KLRD1: variants seen among roughly 807,000 people sequenced by gnomAD.
KLRD1 encodes killer cell lectin like receptor D1, also known as natural killer cells antigen CD94.
Under a neutral mutation model 22.6 loss-of-function variants are expected in KLRD1, and 21 were observed. That is an observed-to-expected ratio of 0.93 (90% confidence interval 0.66 to 1.34). The LOEUF (loss-of-function observed/expected upper bound fraction) is 1.34. Ranked by LOEUF, KLRD1 falls within the 40% of genes most tolerant of loss-of-function variation. The pLI is 0.00. For missense variants in KLRD1, 183 were observed against 208.6 expected (o/e 0.88, Z 0.76); for synonymous variants, 59 against 71.1 (o/e 0.83, Z 0.85).
intron 1 of KLRD1, among the ~76,000 whole-genome samples, chr12:10,297,578 G>A (rs571857283): frequency 7.3e-5 from 11 of 151,578 alleles, no homozygotes; most frequent in African/African-American, 1.9e-4. Flanking sequence ...CCCCGAGCCC[G>A]GTTTCAGCAA....
At chr12:10,293,085 G>A (rs374436038) in intron 1 of KLRD1, among the ~76,000 whole-genome samples, 1 of 132,940 alleles carries the variant, frequency 7.5e-6, no homozygotes, top group South Asian at 2.6e-4. Context: ...AAGAGTTAGC[G>A]CCTTAGGCTT....
At chr12:10,241,853 G>A (rs1949244253) in intron 1 of KLRD1, among the ~76,000 whole-genome samples, 1 of 152,014 alleles carries the variant, frequency 6.6e-6, no homozygotes, top group African/African-American at 2.4e-5. Context: ...AAAGTACTTT[G>A]CAAACATGAT....
Position 10,318,059 on chromosome 12 carries a change from T to G in KLRD1, c.*3266T>G, listed in dbSNP as rs1174835456. The G allele has an allele frequency of 6.6e-6, 1 of 152,110 alleles. No homozygotes were observed. Among genetic ancestry groups the G allele is most frequent in the African/African-American group, 2.4e-5 (1 of 41,390 alleles). 9.4% of individuals were successfully genotyped at this position (152,110 alleles called of 1,614,324 possible). A position where few individuals can be genotyped will look rare whatever the true frequency, so the allele number is the denominator to read the frequency against. On this transcript the variant is annotated 3_prime_UTR_variant, in exon 6 of 6. Coordinates refer to ENST00000336164, the MANE Select transcript of KLRD1 (RefSeq NM_002262.5). The stretch of plus-strand genomic sequence containing the variant: ...ACGTGAGGATTAGGGGCACTACAAT[T>G]CAAGATGAGATTTGGGTGGGGACAC...
chr12:10,308,011 A>T lies in KLRD1; in HGVS notation c.-67A>T, dbSNP rs1385325414. Reference sequence around the variant, plus strand: ...ATCTCCAGCTCAGCTTCAACAATTCAACGCTGTTCTTTCTGAAAAAGTACA... The same window carrying T: ...ATCTCCAGCTCAGCTTCAACAATTCTACGCTGTTCTTTCTGAAAAAGTACA... On this transcript the variant is annotated 5_prime_UTR_variant, in exon 1 of 6. Coordinates refer to ENST00000336164, the MANE Select transcript of KLRD1 (RefSeq NM_002262.5). 1 of 1,445,168 alleles carries T rather than the reference A, an allele frequency of 6.9e-7. No homozygotes were observed. Among genetic ancestry groups the T allele is most frequent in the Admixed American group, 1.7e-5 (1 of 58,396 alleles). 89.5% of individuals were successfully genotyped at this position (1,445,168 alleles called of 1,614,324 possible). A position where few individuals can be genotyped will look rare whatever the true frequency, so the allele number is the denominator to read the frequency against.
chr12:10,280,294 T>C (rs530581106), intron 1 of KLRD1, among the ~76,000 whole-genome samples: 2 of 152,184 alleles, frequency 1.3e-5, no homozygotes, highest in Non-Finnish European at 2.9e-5. Context: ...CTCTTTTCCT[T>C]TCTGAAGAAA....
chr12:10,253,108 T>C (rs1215036380), intron 1 of KLRD1, among the ~76,000 whole-genome samples: 2 of 152,214 alleles, frequency 1.3e-5, no homozygotes, highest in African/African-American at 4.8e-5. Flanking sequence ...TAGATTTTCT[T>C]ATGTTTCTTT....
At chr12:10,293,353 G>A (rs1284762566) in intron 1 of KLRD1, among the ~76,000 whole-genome samples, 2 of 150,908 alleles carry the variant, frequency 1.3e-5, no homozygotes, top group East Asian at 3.9e-4. Context: ...AGTAAGAGAT[G>A]TGTGACTCTT....
chr12:10,268,082 A>G (rs968896324), intron 1 of KLRD1, among the ~76,000 whole-genome samples: 2 of 152,226 alleles, frequency 1.3e-5, no homozygotes, highest in Non-Finnish European at 2.9e-5. Flanking sequence ...TGAGGAGACA[A>G]TTCTGGAAAT....
Position 10,327,392 on chromosome 12 carries a change from A to G in KLRD1, c.*12599A>G, listed in dbSNP as rs978176675. The G allele has an allele frequency of 1.3e-5, 2 of 152,168 alleles. No homozygotes were observed. Among genetic ancestry groups the G allele is most frequent in the African/African-American group, 2.4e-5 (1 of 41,454 alleles). The allele number at this position is 152,168 out of a possible 1,614,324, so 9.4% of individuals were successfully genotyped here. A position where few individuals can be genotyped will look rare whatever the true frequency, so the allele number is the denominator to read the frequency against. On this transcript the variant is annotated 3_prime_UTR_variant, in exon 6 of 6. Coordinates refer to ENST00000336164, the MANE Select transcript of KLRD1 (RefSeq NM_002262.5). ...GCTATTCAGGGCTTTTTGTGGTTCC[A>G]TGTATATTTTAGTATCATTGTTTTC...
chr12:10,276,055 A>C (rs1015254079), intron 1 of KLRD1, among the ~76,000 whole-genome samples: 1 of 151,778 alleles, frequency 6.6e-6, no homozygotes, highest in Non-Finnish European at 1.5e-5. Flanking sequence ...CTTTTTTTGC[A>C]TTGTTTTATT....
At chr12:10,255,042 G>C (rs1327466812) in intron 1 of KLRD1, among the ~76,000 whole-genome samples, 1 of 133,344 alleles carries the variant, frequency 7.5e-6, no homozygotes, top group Non-Finnish European at 1.6e-5. Context: ...ACCACAATGA[G>C]ACACTGTCTC....
chr12:10,246,208 G>T (rs1231967095), intron 1 of KLRD1, among the ~76,000 whole-genome samples: 1 of 152,098 alleles, frequency 6.6e-6, no homozygotes, highest in Admixed American at 6.5e-5. Context: ...TGACTGGAAA[G>T]ATATAAGTGC....
Position 10,322,442 on chromosome 12 carries a change from C to T in KLRD1, c.*7649C>T, listed in dbSNP as rs956399264. The T allele has an allele frequency of 1.3e-5, 2 of 152,194 alleles. No homozygotes were observed. The highest frequency in any genetic ancestry group is 2.9e-5 in the Non-Finnish European group (2 of 68,034). 9.4% of individuals were successfully genotyped at this position (152,194 alleles called of 1,614,324 possible). ...AACCCTTATACAATAAAAAACAACTCTTCTGCCAGATTAAAATTTTTTGTT... is the reference window on the plus strand; with the variant it reads ...AACCCTTATACAATAAAAAACAACTTTTCTGCCAGATTAAAATTTTTTGTT... On this transcript the variant is annotated 3_prime_UTR_variant, in exon 6 of 6. Coordinates refer to ENST00000336164, the MANE Select transcript of KLRD1 (RefSeq NM_002262.5).
chr12:10,301,226 T>C (rs1949863386), upstream of KLRD1, among the ~76,000 whole-genome samples: 1 of 152,224 alleles, frequency 6.6e-6, no homozygotes, highest in African/African-American at 2.4e-5. Context: ...TAGGATAATG[T>C]AGGCCTTGTC....
At chr12:10,244,695 A>G (rs1241350921) in intron 1 of KLRD1, among the ~76,000 whole-genome samples, 1 of 152,120 alleles carries the variant, frequency 6.6e-6, no homozygotes, top group African/African-American at 2.4e-5. Context: ...AGGCAGGAGA[A>G]TCACTTGAAC....
chr12:10,311,093 G>A (rs1428794341), intron 3 of KLRD1, among the ~76,000 whole-genome samples: 1 of 151,932 alleles, frequency 6.6e-6, no homozygotes, highest in Non-Finnish European at 1.5e-5. Flanking sequence ...TCCTATTTAT[G>A]CTACAGTACT....
At chr12:10,314,105 T>G (rs1950164547) in intron 5 of KLRD1, among the ~76,000 whole-genome samples, 1 of 152,262 alleles carries the variant, frequency 6.6e-6, no homozygotes, top group South Asian at 2.1e-4. Context: ...TATGCTTTAT[T>G]TTTGCCTTAG....
intron 1 of KLRD1, among the ~76,000 whole-genome samples, chr12:10,283,892 T>G (rs1409228787): frequency 6.6e-6 from 1 of 152,010 alleles, no homozygotes; most frequent in Non-Finnish European, 1.5e-5. Context: ...GTAAGACTTG[T>G]TGGCTGGGCA....
At chr12:10,271,350 C>T (rs10845100) in intron 1 of KLRD1, among the ~76,000 whole-genome samples, 86,353 of 151,928 alleles carry the variant, frequency 0.57, 27,103 homozygotes, top group Admixed American at 0.74. Flanking sequence ...TTTCCATGAT[C>T]TTGGTACACC....
Sources: allele counts gnomAD v4.1 joint callset (sites outside exome capture counted in the v4.1 genomes callset), GRCh38; gene constraint gnomAD v4.1.1; transcripts MANE v1.5; gene names NCBI Gene and HGNC (gene_info 2026-07-23, HGNC 2026-07-21).